Variants in KDM4C observed in about 807,000 individuals in gnomAD.
KDM4C encodes lysine demethylase 4C.
Under a neutral mutation model 129.3 loss-of-function variants are expected in KDM4C, and 81 were observed. That is an observed-to-expected ratio of 0.63 (90% CI 0.52 to 0.75). The LOEUF is 0.75. Ranked by LOEUF, KDM4C falls within the 30% of genes least tolerant of loss-of-function variation. The pLI is 0.00. For synonymous variants in KDM4C, 573 were observed against 456.1 expected (o/e 1.26, Z -3.26); for missense variants, 1,457 against 1,304.0 (o/e 1.12, Z -1.81).
chr9:6,792,534 A>G (rs950342590), intron 1 of KDM4C, among the ~76,000 whole-genome samples: 10 of 151,732 alleles, frequency 6.6e-5, no homozygotes, highest in Admixed American at 5.9e-4. Flanking sequence ...GATTACAGGC[A>G]TGTACCACCA....
chr9:6,928,668 A>G (rs62533762), intron 8 of KDM4C, among the ~76,000 whole-genome samples: 35,773 of 150,072 alleles, frequency 0.24, 5,057 homozygotes, highest in South Asian at 0.4. Context: ...TTGCTTTGTT[A>G]TTGTCGTGCC....
chr9:6,792,942 G>A, intron 1 of KDM4C, 30 bp from the exon 2 acceptor site: 1 of 1,610,244 alleles, frequency 6.2e-7, no homozygotes, highest in Non-Finnish European at 8.5e-7. Context: ...TAATAATTCA[G>A]TTCTGTTGAC....
At chr9:6,860,196 A>G (rs1050179762) in intron 5 of KDM4C, among the ~76,000 whole-genome samples, 3 of 151,830 alleles carry the variant, frequency 2.0e-5, no homozygotes, top group Admixed American at 1.3e-4. Flanking sequence ...GGTGATGGGG[A>G]TGGGGGGGCG....
In KDM4C at chr9:7,035,419, ATTTTTTCC is replaced by A. The variant is rs1827471511; in HGVS notation, c.2260-11442_2260-11435del. Among the ~76,000 whole-genome samples the A allele has an allele frequency of 1.4e-5, 2 of 145,676 alleles. 1 individual carries two copies. Among genetic ancestry groups the A allele is most frequent in the Non-Finnish European group, 3.0e-5 (2 of 65,986 alleles). On this transcript the variant is annotated intron_variant, in intron 15 of 21. Coordinates refer to ENST00000381309, the MANE Select transcript of KDM4C (RefSeq NM_015061.6). Reference sequence around the variant, plus strand: ...TTTTTCAGATGAGTAGTTTGCAAATATTTTTTCCCATTCTGTAGTTCTTCTTTTCACTC... The same window carrying A: ...TTTTTCAGATGAGTAGTTTGCAAATACATTCTGTAGTTCTTCTTTTCACTC...
At chr9:7,033,027 C>T (rs976199962) in intron 15 of KDM4C, among the ~76,000 whole-genome samples, 5 of 151,950 alleles carry the variant, frequency 3.3e-5, no homozygotes, top group Middle Eastern at 3.2e-3. Context: ...TTTTCTTTTT[C>T]GAAGAGCTCT....
At chr9:7,037,217 A>C (rs1827808254) in intron 15 of KDM4C, among the ~76,000 whole-genome samples, 1 of 152,150 alleles carries the variant, frequency 6.6e-6, no homozygotes, top group African/African-American at 2.4e-5. Context: ...CAGATAAATG[A>C]GGGTGTGTTT....
At chr9:6,815,986 A>C (rs1206720186) in intron 4 of KDM4C, among the ~76,000 whole-genome samples, 3 of 152,162 alleles carry the variant, frequency 2.0e-5, no homozygotes, top group African/African-American at 4.8e-5. Flanking sequence ...ATGACAAGAG[A>C]GTTTAACATT....
intron 5 of KDM4C, among the ~76,000 whole-genome samples, chr9:6,868,594 A>G (rs1318094012): frequency 6.6e-6 from 1 of 152,306 alleles, no homozygotes; most frequent in East Asian, 1.9e-4. Context: ...AAGCCCTAAT[A>G]CAATGTTAAT....
intron 4 of KDM4C, among the ~76,000 whole-genome samples, chr9:6,836,691 T>C (rs1350044854): frequency 1.3e-5 from 2 of 152,228 alleles, no homozygotes; most frequent in Non-Finnish European, 2.9e-5. Flanking sequence ...AAAAATAGTA[T>C]CACTTTGTGT....
intron 15 of KDM4C, among the ~76,000 whole-genome samples, chr9:7,045,563 C>G (rs1368547501): frequency 6.6e-6 from 1 of 151,972 alleles, no homozygotes; most frequent in Non-Finnish European, 1.5e-5. Context: ...TTCATCAAAA[C>G]CAGTTATTCC....
At chr9:6,766,458 C>A (rs957494559) in intron 1 of KDM4C, among the ~76,000 whole-genome samples, 3 of 151,258 alleles carry the variant, frequency 2.0e-5, no homozygotes, top group Admixed American at 6.6e-5. Context: ...CAGTTGGCCC[C>A]CTTTAGTGGG....
chr9:7,048,951 C>A, intron 16 of KDM4C, 141 bp from the exon 17 acceptor site: 9 of 538,590 alleles, frequency 1.7e-5, no homozygotes, highest in Non-Finnish European at 2.4e-5. Context: ...GTTTACAGTT[C>A]AGAATCTGTT....
intron 8 of KDM4C, among the ~76,000 whole-genome samples, chr9:6,922,091 G>C (rs1821626520): frequency 6.6e-6 from 1 of 152,186 alleles, no homozygotes; most frequent in African/African-American, 2.4e-5. Flanking sequence ...CTTGTACATA[G>C]TACACGTTCA....
intron 19 of KDM4C, among the ~76,000 whole-genome samples, chr9:7,159,686 T>C (rs184575432): frequency 8.1e-4 from 124 of 152,368 alleles, no homozygotes; most frequent in African/African-American, 2.8e-3. Context: ...TTGTAGGGTT[T>C]CTGCTGAGAG....
chr9:7,084,200 C>T (rs1834861427), intron 17 of KDM4C, among the ~76,000 whole-genome samples: 1 of 152,188 alleles, frequency 6.6e-6, no homozygotes, highest in Non-Finnish European at 1.5e-5. Flanking sequence ...TGCCACTACT[C>T]AGCTGAAGCT....
At chr9:7,066,921 T>C (rs932266891) in intron 17 of KDM4C, among the ~76,000 whole-genome samples, 1 of 152,240 alleles carries the variant, frequency 6.6e-6, no homozygotes, top group Non-Finnish European at 1.5e-5. Context: ...ATTTTTTGTA[T>C]AAGAATATGA....
chr9:7,094,978 G>C (rs1487365885), intron 17 of KDM4C, among the ~76,000 whole-genome samples: 1 of 152,218 alleles, frequency 6.6e-6, no homozygotes. Context: ...CAGCGTAGCA[G>C]CTTGTGTAGT....
intron 18 of KDM4C, among the ~76,000 whole-genome samples, chr9:7,112,596 G>T (rs767695237): frequency 6.6e-6 from 1 of 152,208 alleles, no homozygotes; most frequent in East Asian, 1.9e-4. Flanking sequence ...TTTGCCTACT[G>T]TCACTTTCAG....
chr9:7,080,517 A>G (rs751684048), intron 17 of KDM4C, among the ~76,000 whole-genome samples: 1 of 152,200 alleles, frequency 6.6e-6, no homozygotes, highest in Non-Finnish European at 1.5e-5. Flanking sequence ...TGATATGGGA[A>G]TGTGTATTAA....
Sources: allele counts gnomAD v4.1 joint callset (sites outside exome capture counted in the v4.1 genomes callset), GRCh38; gene constraint gnomAD v4.1.1; transcripts MANE v1.5; gene names NCBI Gene and HGNC (gene_info 2026-07-23, HGNC 2026-07-21).